AKT3: variants seen among roughly 807,000 people sequenced by gnomAD.
AKT3 encodes AKT serine/threonine kinase 3, also known as RAC-gamma serine/threonine-protein kinase.
Under a neutral mutation model 65.3 loss-of-function variants are expected in AKT3, and 15 were observed. That is an observed-to-expected ratio of 0.23 (90% confidence interval 0.15 to 0.35). AKT3 has a LOEUF of 0.35. Ranked by LOEUF, AKT3 falls within the 10% of genes least tolerant of loss-of-function variation. The pLI is 1.00. For missense variants in AKT3, 243 were observed against 576.5 expected, an observed-to-expected ratio of 0.42 and a Z score of 5.92; for synonymous variants, 206 against 183.8, an observed-to-expected ratio of 1.12 and a Z score of -0.98.
At chr1:243,614,894 T>C (rs1468357916) in intron 7 of AKT3, among the ~76,000 whole-genome samples, 1 of 152,064 alleles carries the variant, frequency 6.6e-6, no homozygotes, top group Non-Finnish European at 1.5e-5. Context: ...AAGTAATAAA[T>C]GCATAATGGG....
chr1:243,629,505 G>A (rs1040908710), intron 6 of AKT3, among the ~76,000 whole-genome samples: 26 of 151,720 alleles, frequency 1.7e-4, no homozygotes, highest in Non-Finnish European at 2.9e-5. Flanking sequence ...AGATATGGGA[G>A]ATATTGGCCG....
chr1:243,562,658 A>G (rs1315374759), intron 10 of AKT3, among the ~76,000 whole-genome samples: 1 of 152,058 alleles, frequency 6.6e-6, no homozygotes, highest in Non-Finnish European at 1.5e-5. Flanking sequence ...GGAAGTCCAG[A>G]CTCATGGAGA....
At chr1:243,559,032 A>G (rs1370251179) in intron 10 of AKT3, among the ~76,000 whole-genome samples, 1 of 152,122 alleles carries the variant, frequency 6.6e-6, no homozygotes, top group Non-Finnish European at 1.5e-5. Flanking sequence ...TTTGGATTCA[A>G]TAGGAGCCAA....
chr1:243,679,820 A>T (rs1683792669), intron 3 of AKT3, among the ~76,000 whole-genome samples: 1 of 152,188 alleles, frequency 6.6e-6, no homozygotes, highest in Non-Finnish European at 1.5e-5. Flanking sequence ...TAGGTAAAGA[A>T]GAGAGATGGA....
At chr1:243,819,380 T>G (rs1243794096) in intron 2 of AKT3, among the ~76,000 whole-genome samples, 3 of 152,216 alleles carry the variant, frequency 2.0e-5, no homozygotes, top group African/African-American at 7.2e-5. Flanking sequence ...TGGCAGACTG[T>G]GGCCAGACTG....
chr1:243,648,332 T>G (rs12141946), intron 4 of AKT3, among the ~76,000 whole-genome samples: 78,161 of 151,816 alleles, frequency 0.51, 24,169 homozygotes, highest in Non-Finnish European at 0.69. Context: ...TATAAAATGA[T>G]CACACAGATT....
At chr1:243,527,563 ACCTCAGCTGGGC>A (rs1373452794) in intron 12 of AKT3, among the ~76,000 whole-genome samples, 17 of 152,042 alleles carry the variant, frequency 1.1e-4, no homozygotes, top group Admixed American at 3.3e-4. Context: ...GGGATTTTCA[ACCTCAGCTGGGC>A]CCTCCAGCAA....
intron 4 of AKT3, among the ~76,000 whole-genome samples, chr1:243,660,791 T>A (rs1682247948): frequency 6.6e-6 from 1 of 152,226 alleles, no homozygotes; most frequent in South Asian, 2.1e-4. Flanking sequence ...GCAGATGACA[T>A]GATTGTATAT....
chr1:243,745,503 C>A (rs992540881), intron 2 of AKT3, among the ~76,000 whole-genome samples: 1 of 152,074 alleles, frequency 6.6e-6, no homozygotes, highest in Non-Finnish European at 1.5e-5. Flanking sequence ...AAGTGATTTG[C>A]CCAGGGTCAC....
intron 2 of AKT3, among the ~76,000 whole-genome samples, chr1:243,757,072 T>C (rs919390414): frequency 6.6e-6 from 1 of 152,188 alleles, no homozygotes; most frequent in Non-Finnish European, 1.5e-5. Context: ...CCATTCCACA[T>C]GAAGAGAGTA....
Position 243,847,783 on chromosome 1 carries a change from C to T in AKT3, c.-113+2257G>A, listed in dbSNP as rs1206793495. On this transcript the variant is annotated intron_variant, in intron 1 of 13. Coordinates refer to ENST00000673466, the MANE Select transcript of AKT3 (RefSeq NM_005465.7). ...TTAAACCAGCACACAGTTCACACTC[C>T]AGTATTTGTTAAATATAATCTTATT... is the stretch of plus-strand genomic sequence containing the variant. Among the ~76,000 whole-genome samples, 5 of 152,194 alleles carry T rather than the reference C, an allele frequency of 3.3e-5. No individual in the cohort carries two copies. In the East Asian group the frequency reaches 9.6e-4, roughly 29 times the overall value.
intron 13 of AKT3, among the ~76,000 whole-genome samples, chr1:243,508,073 C>A (rs192115282): frequency 6.6e-6 from 1 of 152,122 alleles, no homozygotes; most frequent in Non-Finnish European, 1.5e-5. Flanking sequence ...CTTTTATCAA[C>A]AAAACCTCTG....
At chr1:243,607,303 T>C (rs1677501711) in intron 8 of AKT3, among the ~76,000 whole-genome samples, 1 of 152,330 alleles carries the variant, frequency 6.6e-6, no homozygotes, top group African/African-American at 2.4e-5. Context: ...GGAGGAGGGA[T>C]GTACCCTACA....
At chr1:243,680,096 G>C (rs1181705157) in intron 3 of AKT3, among the ~76,000 whole-genome samples, 1 of 152,100 alleles carries the variant, frequency 6.6e-6, no homozygotes, top group African/African-American at 2.4e-5. Context: ...CAGTTATCAT[G>C]AACTATTCTG....
At chr1:243,594,918 A>G (rs1375979117) in intron 8 of AKT3, among the ~76,000 whole-genome samples, 1 of 152,168 alleles carries the variant, frequency 6.6e-6, no homozygotes, top group Non-Finnish European at 1.5e-5. Context: ...TGAAAGAACA[A>G]GATGTCTGTA....
intron 2 of AKT3, among the ~76,000 whole-genome samples, chr1:243,833,651 G>A (rs1181263356): frequency 1.3e-5 from 2 of 151,948 alleles, no homozygotes; most frequent in Non-Finnish European, 2.9e-5. Flanking sequence ...AACAACAGGT[G>A]ACTTTTCATC....
intron 2 of AKT3, among the ~76,000 whole-genome samples, chr1:243,773,453 C>A (rs1431719757): frequency 6.6e-6 from 1 of 151,896 alleles, no homozygotes; most frequent in Non-Finnish European, 1.5e-5. Flanking sequence ...TCTTTCTATG[C>A]CTCTTTCAGT....
chr1:243,790,856 T>A (rs1350257701), intron 2 of AKT3, among the ~76,000 whole-genome samples: 1 of 152,200 alleles, frequency 6.6e-6, no homozygotes, highest in Non-Finnish European at 1.5e-5. Context: ...TGCTGGATCA[T>A]TAAGAACATA....
intron 2 of AKT3, among the ~76,000 whole-genome samples, chr1:243,795,079 T>A (rs1021981910): frequency 1.1e-4 from 17 of 152,110 alleles, no homozygotes; most frequent in Non-Finnish European, 1.6e-4. Context: ...TGATCCCTTA[T>A]GGTATCTGTT....
Sources: allele counts gnomAD v4.1 joint callset (sites outside exome capture counted in the v4.1 genomes callset), GRCh38; gene constraint gnomAD v4.1.1; transcripts MANE v1.5; gene names NCBI Gene and HGNC (gene_info 2026-07-23, HGNC 2026-07-21).